The following GBE1 variants were observed in gnomAD, a reference collection of about 807,000 sequenced individuals.
GBE1 encodes 1,4-alpha-glucan branching enzyme 1.
A neutral mutation model predicts 88.8 loss-of-function variants in GBE1; 70 were observed. That is an observed-to-expected ratio of 0.79 (90% CI 0.65 to 0.96). The LOEUF (loss-of-function observed/expected upper bound fraction) is 0.96, where lower values mean the gene tolerates loss of function less well. Ranked by LOEUF, GBE1 falls within the 40% of genes least tolerant of loss-of-function variation. GBE1 has a pLI of 0.00. For missense variants in GBE1, 872 were observed against 871.0 expected (o/e 1.00, Z -0.01); for synonymous variants, 284 against 300.1 (o/e 0.95, Z 0.56).
At chr3:81,627,648 T>C (rs1704436896) in intron 7 of GBE1, among the ~76,000 whole-genome samples, 2 of 151,910 alleles carry the variant, frequency 1.3e-5, no homozygotes, top group African/African-American at 2.4e-5. Context: ...CGAGCTCAAC[T>C]GAGAAGTCTA....
chr3:81,698,073 T>C (rs1482299371), intron 2 of GBE1, among the ~76,000 whole-genome samples: 2 of 148,104 alleles, frequency 1.4e-5, no homozygotes, highest in African/African-American at 4.9e-5. Flanking sequence ...TGTGTATATA[T>C]ATATATATAT....
At chr3:81,705,145 T>G (rs1422560823) in intron 2 of GBE1, among the ~76,000 whole-genome samples, 1 of 152,156 alleles carries the variant, frequency 6.6e-6, no homozygotes, top group East Asian at 1.9e-4. Flanking sequence ...CAGAGCTTGC[T>G]AACAAAGTTA....
At chr3:81,506,471 A>G (rs1248247643) in intron 14 of GBE1, among the ~76,000 whole-genome samples, 1 of 152,154 alleles carries the variant, frequency 6.6e-6, no homozygotes, top group Non-Finnish European at 1.5e-5. Context: ...ATATATTCCT[A>G]CCAATAAATT....
At chr3:81,540,173 A>T (rs1245036231) in intron 12 of GBE1, among the ~76,000 whole-genome samples, 1 of 151,884 alleles carries the variant, frequency 6.6e-6, no homozygotes, top group African/African-American at 2.4e-5. Flanking sequence ...TTGCTACATG[A>T]TCTCCCCTCT....
At chr3:81,695,383 G>A (rs1430465901) in intron 2 of GBE1, among the ~76,000 whole-genome samples, 3 of 152,174 alleles carry the variant, frequency 2.0e-5, no homozygotes, top group African/African-American at 7.2e-5. Context: ...AATGAAAGAA[G>A]CCAGACACAA....
intron 1 of GBE1, among the ~76,000 whole-genome samples, chr3:81,747,545 G>A (rs1001577542): frequency 3.3e-5 from 5 of 152,182 alleles, no homozygotes; most frequent in Non-Finnish European, 5.9e-5. Context: ...GCTGAGAGTG[G>A]TGGCACATGT....
At chr3:81,624,963 C>CAGGGAAAAGAGCCAACCACAGGGA (rs1356808864) in intron 7 of GBE1, among the ~76,000 whole-genome samples, 1 of 151,998 alleles carries the variant, frequency 6.6e-6, no homozygotes, top group Non-Finnish European at 1.5e-5. Flanking sequence ...ATCAGCATAG[C>CAGGGAAAAGAGCCAACCACAGGGA]AGGGAAAAGA....
chr3:81,636,855 A>G (rs1197997158), intron 7 of GBE1, among the ~76,000 whole-genome samples: 1 of 152,120 alleles, frequency 6.6e-6, no homozygotes, highest in Admixed American at 6.6e-5. Flanking sequence ...AAAGCATATA[A>G]GGCAGGTGTT....
At chr3:81,600,993 C>T (rs1049791652) in intron 7 of GBE1, among the ~76,000 whole-genome samples, 1 of 152,008 alleles carries the variant, frequency 6.6e-6, no homozygotes, top group African/African-American at 2.4e-5. Flanking sequence ...ATTTAAATTT[C>T]GAACATCACT....
At chr3:81,568,679 C>T (rs949050863) in intron 12 of GBE1, among the ~76,000 whole-genome samples, 1 of 151,966 alleles carries the variant, frequency 6.6e-6, no homozygotes, top group Non-Finnish European at 1.5e-5. Context: ...TCCAAAAGTT[C>T]CCAAATGCGT....
intron 12 of GBE1, among the ~76,000 whole-genome samples, chr3:81,546,169 C>A (rs1318965311): frequency 6.6e-6 from 1 of 151,804 alleles, no homozygotes; most frequent in Non-Finnish European, 1.5e-5. Context: ...GAAGAACATA[C>A]CCCAGTGGAA....
chr3:81,562,984 C>T (rs1412358076), intron 12 of GBE1, among the ~76,000 whole-genome samples: 3 of 151,586 alleles, frequency 2.0e-5, no homozygotes, highest in Non-Finnish European at 4.4e-5. Flanking sequence ...CTCCTATTGT[C>T]GAGTTGTTCA....
intron 3 of GBE1, among the ~76,000 whole-genome samples, chr3:81,657,251 C>T (rs376654851): frequency 3.3e-5 from 5 of 151,506 alleles, no homozygotes; most frequent in Admixed American, 6.6e-5. Context: ...TCACTGCATA[C>T]GTGATGTAAA....
chr3:81,504,406 T>A (rs1476760083), intron 14 of GBE1, among the ~76,000 whole-genome samples: 1 of 152,196 alleles, frequency 6.6e-6, no homozygotes, highest in African/African-American at 2.4e-5. Flanking sequence ...ATTTGGTCCA[T>A]TTGATCATTT....
At chr3:81,736,586 A>C (rs575110645) in intron 1 of GBE1, among the ~76,000 whole-genome samples, 1 of 152,340 alleles carries the variant, frequency 6.6e-6, no homozygotes, top group South Asian at 2.1e-4. Context: ...TCCCCGTGAA[A>C]GACTGGGATC....
At chr3:81,545,682 A>C (rs1396651445) in intron 12 of GBE1, among the ~76,000 whole-genome samples, 3 of 151,742 alleles carry the variant, frequency 2.0e-5, no homozygotes, top group Non-Finnish European at 2.9e-5. Flanking sequence ...ACTCTTTTCC[A>C]TGGTTTCACT....
At chr3:81,630,744 T>C (rs930339172) in intron 7 of GBE1, among the ~76,000 whole-genome samples, 4 of 152,210 alleles carry the variant, frequency 2.6e-5, no homozygotes, top group African/African-American at 9.6e-5. Context: ...AATACCTTGT[T>C]TCTCAACTGA....
intron 1 of GBE1, among the ~76,000 whole-genome samples, chr3:81,730,455 G>A (rs1292691174): frequency 6.6e-6 from 1 of 152,188 alleles, no homozygotes; most frequent in African/African-American, 2.4e-5. Flanking sequence ...CCCAATTTTA[G>A]GCTTGGTGAG....
At position 81,569,442 on chromosome 3, in the gene GBE1, C is replaced by T. The variant is rs566893903; in HGVS notation, c.1618+8483G>A. On this transcript the variant is annotated intron_variant, in intron 12 of 15. Coordinates refer to ENST00000429644, the MANE Select transcript of GBE1 (RefSeq NM_000158.4). ...CTGCCATTTACATGATATGGCATTC[C>T]ACCAGTGAGTAGAAGATGTGGCAAG... Among the ~76,000 whole-genome samples, 5 of 152,284 alleles carry T rather than the reference C, an allele frequency of 3.3e-5. No homozygotes were observed. The South Asian group carries it at 1.0e-3, about 32-fold the overall frequency.
Sources: allele counts gnomAD v4.1 joint callset (sites outside exome capture counted in the v4.1 genomes callset), GRCh38; gene constraint gnomAD v4.1.1; transcripts MANE v1.5; gene names NCBI Gene and HGNC (gene_info 2026-07-23, HGNC 2026-07-21).